CTNNA2: variants seen among roughly 807,000 people sequenced by gnomAD.
CTNNA2 encodes the protein catenin alpha 2.
In CTNNA2, 42 loss-of-function variants were observed where a neutral mutation model predicts 101.0. The observed-to-expected ratio is 0.42, with a 90% CI of 0.32 to 0.54. CTNNA2 has a LOEUF of 0.54. Ranked by LOEUF, CTNNA2 falls within the 20% of genes least tolerant of loss-of-function variation. The pLI is 0.14. For synonymous variants in CTNNA2, 450 were observed against 456.4 expected, an observed-to-expected ratio of 0.99 and a Z score of 0.18; for missense variants, 871 against 1,223.1, an observed-to-expected ratio of 0.71 and a Z score of 4.29.
rs374671401 is a variant in CTNNA2 at position 79,974,952 on chromosome 2, G to A, written c.1056+65155G>A. On this transcript the variant is annotated intron_variant, in intron 7 of 18. Coordinates refer to ENST00000402739, the MANE Select transcript of CTNNA2 (RefSeq NM_001282597.3). ...CATGCAGATACCTGGAGAACAGAGCGTCATACCAAGTAGAGGGGATAACAG... is the reference window on the plus strand; with the variant it reads ...CATGCAGATACCTGGAGAACAGAGCATCATACCAAGTAGAGGGGATAACAG... Among the ~76,000 whole-genome samples, 47 of 152,176 alleles carry A rather than the reference G, an allele frequency of 3.1e-4. No homozygotes were observed. In the East Asian group the frequency reaches 3.7e-3, roughly 12 times the overall value.
At chr2:79,814,608 T>TACACACACAC (rs146240455) in intron 3 of CTNNA2, among the ~76,000 whole-genome samples, 50 of 145,198 alleles carry the variant, frequency 3.4e-4, no homozygotes, top group South Asian at 1.5e-3. Context: ...TATGTGTGTA[T>TACACACACAC]ACACACACAC....
intron 1 of CTNNA2, among the ~76,000 whole-genome samples, chr2:79,549,511 A>C (rs184472123): frequency 1.3e-5 from 2 of 152,326 alleles, no homozygotes. Flanking sequence ...CTAGTGCCAG[A>C]TTATAAGTAT....
intron 3 of CTNNA2, among the ~76,000 whole-genome samples, chr2:79,848,427 T>G (rs1166438514): frequency 6.6e-6 from 1 of 152,206 alleles, no homozygotes; most frequent in Admixed American, 6.5e-5. Context: ...TTTTATGGAA[T>G]GTGGCTATTG....
At chr2:79,537,898 C>T (rs907102991) in intron 1 of CTNNA2, among the ~76,000 whole-genome samples, 1 of 151,690 alleles carries the variant, frequency 6.6e-6, no homozygotes, top group Admixed American at 6.6e-5. Flanking sequence ...TAATTTTATA[C>T]CCCAAGTTGA....
chr2:80,624,853 A>G (rs950329147), intron 18 of CTNNA2, among the ~76,000 whole-genome samples: 4 of 151,962 alleles, frequency 2.6e-5, no homozygotes, highest in Admixed American at 2.0e-4. Context: ...ATATGTATCT[A>G]TATCTAGGTA....
intron 2 of CTNNA2, among the ~76,000 whole-genome samples, chr2:79,206,895 C>T (rs1272797732): frequency 6.6e-6 from 1 of 152,210 alleles, no homozygotes; most frequent in Non-Finnish European, 1.5e-5. Context: ...ACTCTAATCC[C>T]TGCATCTTTC....
chr2:79,551,415 A>G (rs557308580), intron 1 of CTNNA2, among the ~76,000 whole-genome samples: 20 of 152,318 alleles, frequency 1.3e-4, no homozygotes, highest in African/African-American at 3.8e-4. Flanking sequence ...GAGGGTGCTC[A>G]GGGAATTACA....
At chr2:80,496,129 A>G (rs1405614010) in intron 9 of CTNNA2, among the ~76,000 whole-genome samples, 2 of 151,982 alleles carry the variant, frequency 1.3e-5, no homozygotes, top group Non-Finnish European at 2.9e-5. Context: ...GGTTTCGGAG[A>G]GAACATAGTT....
At chr2:79,661,320 A>T (rs1452639550) in intron 2 of CTNNA2, among the ~76,000 whole-genome samples, 1 of 152,230 alleles carries the variant, frequency 6.6e-6, no homozygotes, top group Non-Finnish European at 1.5e-5. Context: ...CATTGATAAA[A>T]CTACCTATTC....
At position 79,650,161 on chromosome 2, in the gene CTNNA2, T is replaced by A. The variant is rs548628370; in HGVS notation, c.-5-1391T>A. On this transcript the variant is annotated intron_variant, in intron 1 of 18. Transcript: ENST00000402739. ...TGAAAGAAACAAACCCCTGATAGAA[T>A]GTATACTTTTTCGGGGGGGGGGGGG... 1.1e-4 allele frequency among the ~76,000 whole-genome samples: 10 copies of A among 90,580 alleles called. No homozygotes were observed. In the South Asian group the frequency reaches 2.9e-3, roughly 26 times the overall value. The allele number at this position is 90,580 out of a possible 152,430, so 59.4% of individuals were successfully genotyped here. A position where few individuals can be genotyped will look rare whatever the true frequency, so the allele number is the denominator to read the frequency against.
At chr2:80,248,919 G>A (rs1039546361) in intron 7 of CTNNA2, among the ~76,000 whole-genome samples, 3 of 152,112 alleles carry the variant, frequency 2.0e-5, no homozygotes, top group South Asian at 2.1e-4. Context: ...AATAAGGGAG[G>A]TGAAGGAATA....
At chr2:80,540,643 T>C (rs1360395221) in intron 9 of CTNNA2, among the ~76,000 whole-genome samples, 3 of 151,962 alleles carry the variant, frequency 2.0e-5, no homozygotes, top group African/African-American at 7.3e-5. Flanking sequence ...TGTATAGTTA[T>C]CTTGGACTGA....
At position 79,321,105 on chromosome 2, in the gene CTNNA2, C is replaced by T. The variant is rs182389174; in HGVS notation, c.-318+8309C>T. 9.5e-3 allele frequency among the ~76,000 whole-genome samples: 1,439 copies of T among 152,222 alleles called. 15 individuals carry two copies. The highest frequency in any genetic ancestry group is 0.016 in the Non-Finnish European group (1,117 of 68,004). On this transcript the variant is annotated intron_variant, in intron 3 of 21. Coordinates refer to the CTNNA2 transcript ENST00000466387. ...TGTTAAGTACTTACTATTATATTTT[C>T]CAGAAACCATCTTAAAGGGTGTAGA...
At chr2:79,257,170 T>C (rs1180601471) in intron 2 of CTNNA2, among the ~76,000 whole-genome samples, 3 of 152,050 alleles carry the variant, frequency 2.0e-5, no homozygotes, top group African/African-American at 7.2e-5. Context: ...ATAGTAAAAG[T>C]TAAGAATAAT....
chr2:80,094,445 C>T (rs1700010176), intron 7 of CTNNA2, among the ~76,000 whole-genome samples: 1 of 152,172 alleles, frequency 6.6e-6, no homozygotes, highest in African/African-American at 2.4e-5. Context: ...AGCATGATGC[C>T]TCCAGCTTTG....
intron 7 of CTNNA2, among the ~76,000 whole-genome samples, chr2:80,337,824 G>A (rs1388550936): frequency 6.6e-6 from 1 of 152,128 alleles, no homozygotes; most frequent in African/African-American, 2.4e-5. Context: ...AGTCATAGGA[G>A]GACTTGCTGC....
At chr2:80,518,964 TACTAAC>T (rs1180739880) in intron 9 of CTNNA2, among the ~76,000 whole-genome samples, 2 of 132,458 alleles carry the variant, frequency 1.5e-5, no homozygotes, top group African/African-American at 6.4e-5. Context: ...ATAATTTACT[TACTAAC>T]ACATAAATGG....
At chr2:80,447,803 T>C (rs932344735) in intron 9 of CTNNA2, among the ~76,000 whole-genome samples, 9 of 152,188 alleles carry the variant, frequency 5.9e-5, no homozygotes, top group African/African-American at 1.9e-4. Context: ...AAATGTGCTG[T>C]TAACTTATGT....
chr2:79,380,120 A>T (rs1046920852), intron 4 of CTNNA2, among the ~76,000 whole-genome samples: 1 of 152,116 alleles, frequency 6.6e-6, no homozygotes, highest in Non-Finnish European at 1.5e-5. Flanking sequence ...ACTGGACGGA[A>T]ATTTTCTTGC....
Sources: allele counts gnomAD v4.1 joint callset (sites outside exome capture counted in the v4.1 genomes callset), GRCh38; gene constraint gnomAD v4.1.1; transcripts MANE v1.5; gene names NCBI Gene and HGNC (gene_info 2026-07-23, HGNC 2026-07-21).